FARS2: variants seen among roughly 807,000 people sequenced by gnomAD.
The protein encoded by FARS2 is phenylalanine--tRNA ligase, mitochondrial.
In FARS2, 40 loss-of-function variants were observed where a neutral mutation model predicts 46.4. The ratio of observed to expected loss-of-function variants is 0.86; its 90% CI spans 0.67 to 1.12. FARS2 has a LOEUF of 1.12. Ranked by LOEUF, FARS2 falls within the 50% of genes most tolerant of loss-of-function variation. The probability of loss-of-function intolerance (pLI) is 0.00; values close to 1 mark genes in which losing one functional copy is unlikely to be tolerated. For synonymous variants in FARS2, 234 were observed against 214.9 expected (o/e 1.09, Z -0.78); for missense variants, 513 against 567.9 (o/e 0.90, Z 0.98).
At chr6:5,453,582 G>A (rs760912664) in intron 4 of FARS2, among the ~76,000 whole-genome samples, 20 of 152,208 alleles carry the variant, frequency 1.3e-4, no homozygotes, top group Non-Finnish European at 1.5e-5. Flanking sequence ...AATAGGATTT[G>A]ATTTGCTCTG....
intron 6 of FARS2, among the ~76,000 whole-genome samples, chr6:5,660,254 T>C (rs1223539074): frequency 6.6e-6 from 1 of 152,216 alleles, no homozygotes; most frequent in East Asian, 1.9e-4. Flanking sequence ...CAAAGAGCAA[T>C]AGTCTAGACT....
At chr6:5,363,288 T>A (rs1426707898) in intron 1 of FARS2, among the ~76,000 whole-genome samples, 1 of 152,112 alleles carries the variant, frequency 6.6e-6, no homozygotes, top group Non-Finnish European at 1.5e-5. Flanking sequence ...CCTTATGTAT[T>A]TTGGACATTA....
intron 6 of FARS2, among the ~76,000 whole-genome samples, chr6:5,683,095 TA>T (rs1481381979): frequency 2.6e-5 from 4 of 152,158 alleles, no homozygotes; most frequent in Non-Finnish European, 4.4e-5. Flanking sequence ...TGGAGGGTTT[TA>T]AGGGGTGGGA....
chr6:5,382,480 A>G (rs909639876), intron 2 of FARS2, among the ~76,000 whole-genome samples: 1 of 152,238 alleles, frequency 6.6e-6, no homozygotes. Flanking sequence ...TGTCTCAAAT[A>G]TAATCTTAAA....
intron 6 of FARS2, among the ~76,000 whole-genome samples, chr6:5,720,203 C>T (rs1341440212): frequency 1.3e-5 from 2 of 151,942 alleles, no homozygotes; most frequent in African/African-American, 2.4e-5. Context: ...GATGTAGGCA[C>T]TTAAGAAAAA....
At chr6:5,591,304 G>A (rs371471304) in intron 5 of FARS2, among the ~76,000 whole-genome samples, 1 of 152,174 alleles carries the variant, frequency 6.6e-6, no homozygotes, top group Non-Finnish European at 1.5e-5. Context: ...CACTAGAACC[G>A]AGTGGTCCAA....
chr6:5,615,763 G>A (rs1352765756), intron 6 of FARS2, among the ~76,000 whole-genome samples: 2 of 152,056 alleles, frequency 1.3e-5, no homozygotes, highest in Non-Finnish European at 2.9e-5. Flanking sequence ...TTGAGGGTTG[G>A]CATAGCAGGC....
At chr6:5,741,068 C>T (rs1042903769) in intron 6 of FARS2, among the ~76,000 whole-genome samples, 3 of 152,192 alleles carry the variant, frequency 2.0e-5, no homozygotes, top group Admixed American at 6.5e-5. Flanking sequence ...AATGCCTGCC[C>T]TTCCTCCCAC....
chr6:5,338,245 T>A (rs765505387), intron 1 of FARS2, among the ~76,000 whole-genome samples: 3 of 152,200 alleles, frequency 2.0e-5, no homozygotes, highest in Non-Finnish European at 4.4e-5. Flanking sequence ...TTTTAAAAAA[T>A]TATTCATGTG....
At chr6:5,342,990 C>A (rs1161134089) in intron 1 of FARS2, among the ~76,000 whole-genome samples, 1 of 152,074 alleles carries the variant, frequency 6.6e-6, no homozygotes, top group Non-Finnish European at 1.5e-5. Context: ...TTACTACAGG[C>A]CCGTCATCGA....
intron 5 of FARS2, among the ~76,000 whole-genome samples, chr6:5,610,908 G>A (rs944945407): frequency 6.6e-6 from 1 of 152,220 alleles, no homozygotes; most frequent in Admixed American, 6.5e-5. Flanking sequence ...CACCGACGTG[G>A]TATGTCCACT....
In FARS2 at chr6:5,540,428, C is replaced by T. The variant is rs73358208; in HGVS notation, c.905-4752C>T. Among the ~76,000 whole-genome samples, 1,092 of 152,206 alleles carry T rather than the reference C, an allele frequency of 7.2e-3. 9 individuals carry two copies. The highest frequency in any genetic ancestry group is 0.025 in the African/African-American group (1,035 of 41,518). ...GCATTTAGTGCTTTTTTTCTTCTTC[C>T]GTACGCCTTTAGCCTCCCAACCCTT... is the stretch of plus-strand genomic sequence containing the variant. On this transcript the variant is annotated intron_variant, in intron 4 of 6. Coordinates refer to ENST00000274680, the MANE Select transcript of FARS2 (RefSeq NM_006567.5).
intron 5 of FARS2, among the ~76,000 whole-genome samples, chr6:5,590,129 A>G (rs1360685005): frequency 6.6e-6 from 1 of 152,364 alleles, no homozygotes; most frequent in Non-Finnish European, 1.5e-5. Context: ...AGTGCTCAGT[A>G]ATGTTAGATA....
At chr6:5,620,015 G>C (rs1366029795) in intron 6 of FARS2, among the ~76,000 whole-genome samples, 1 of 151,814 alleles carries the variant, frequency 6.6e-6, no homozygotes, top group Non-Finnish European at 1.5e-5. Flanking sequence ...ACGAGTTTTC[G>C]GCCCTTACAT....
chr6:5,490,618 T>C (rs1466769564), intron 4 of FARS2, among the ~76,000 whole-genome samples: 1 of 152,208 alleles, frequency 6.6e-6, no homozygotes, highest in Non-Finnish European at 1.5e-5. Context: ...CAGTAGAGTA[T>C]AGCAAAAGAG....
intron 4 of FARS2, among the ~76,000 whole-genome samples, chr6:5,503,319 A>G (rs1767908187): frequency 6.6e-6 from 1 of 151,276 alleles, no homozygotes; most frequent in Non-Finnish European, 1.5e-5. Context: ...GACTGTGGTC[A>G]ATAATATTAT....
intron 2 of FARS2, among the ~76,000 whole-genome samples, chr6:5,389,824 T>A (rs1440024092): frequency 1.3e-5 from 2 of 151,134 alleles, no homozygotes; most frequent in African/African-American, 2.4e-5. Context: ...CCTACTACAG[T>A]TTTTTTGTTT....
intron 3 of FARS2, among the ~76,000 whole-genome samples, chr6:5,418,421 CT>C (rs1447369160): frequency 2.0e-5 from 3 of 152,204 alleles, no homozygotes; most frequent in African/African-American, 7.2e-5. Flanking sequence ...AGAGTTTCGT[CT>C]GGGGATAGTT....
intron 5 of FARS2, among the ~76,000 whole-genome samples, chr6:5,555,055 G>A (rs915978876): frequency 5.3e-5 from 8 of 152,030 alleles, no homozygotes; most frequent in African/African-American, 1.9e-4. Flanking sequence ...GTTGTGGGAG[G>A]GACCAGATGG....
Sources: allele counts gnomAD v4.1 joint callset (sites outside exome capture counted in the v4.1 genomes callset), GRCh38; gene constraint gnomAD v4.1.1; transcripts MANE v1.5; gene names NCBI Gene and HGNC (gene_info 2026-07-23, HGNC 2026-07-21).